Variants in HDAC7 observed in about 807,000 individuals in gnomAD.
HDAC7 encodes histone deacetylase 7.
HDAC7 carries 26 observed loss-of-function variants against 115.5 expected under a neutral mutation model. The ratio of observed to expected loss-of-function variants is 0.23; its 90% confidence interval spans 0.16 to 0.31. The LOEUF is 0.31. Among genes scored for constraint, HDAC7 ranks in the 10% least tolerant of loss-of-function variants. The pLI is 1.00. For missense variants in HDAC7, 1,068 were observed against 1,329.0 expected (o/e 0.80, Z 3.05); for synonymous variants, 564 against 550.9 (o/e 1.02, Z -0.33).
chr12:47,810,974 C>T (rs939995436), intron 1 of HDAC7, among the ~76,000 whole-genome samples: 2 of 152,122 alleles, frequency 1.3e-5, no homozygotes, highest in Non-Finnish European at 2.9e-5. Context: ...CACAGCCGCA[C>T]GGCTATCAGC....
chr12:47,785,996 G>T, intron 22 of HDAC7, 111 bp from the exon 23 acceptor site: 1 of 1,085,270 alleles, frequency 9.2e-7, no homozygotes, highest in Non-Finnish European at 1.3e-6. Flanking sequence ...TGACTCACAT[G>T]TATCAATCAC....
Position 47,796,231 on chromosome 12 carries a change from G to A in HDAC7, c.771C>T (p.Gly257=), listed in dbSNP as rs771559148. Residue 257 remains glycine, a synonymous_variant, in exon 8 of 26, where the codon GGC becomes GGT. Transcript: ENST00000080059. ...CCTCCGAGCCCAGGATGGGATTGGGGCCGTGCTCGCTGTCATTGGGGGAGC... is the reference window on the plus strand; with the variant it reads ...CCTCCGAGCCCAGGATGGGATTGGGACCGTGCTCGCTGTCATTGGGGGAGC... ...GCSSPNDSEH[G]PNPILGSEAL... is the part of the protein sequence containing the mutation. The A allele has an allele frequency of 2.3e-5, 37 of 1,607,188 alleles. No homozygotes were observed. Among genetic ancestry groups the A allele is most frequent in the Non-Finnish European group, 3.1e-5 (37 of 1,178,198 alleles).
At chr12:47,786,964 AAG>A (rs1399423622) in intron 21 of HDAC7, among the ~76,000 whole-genome samples, 13 of 152,200 alleles carry the variant, frequency 8.5e-5, no homozygotes, top group African/African-American at 2.9e-4. Context: ...GAGGGAATGA[AAG>A]AGGAGTGTGT....
intron 1 of HDAC7, among the ~76,000 whole-genome samples, chr12:47,807,616 C>CT (rs1944458642): frequency 6.6e-6 from 1 of 152,034 alleles, no homozygotes; most frequent in South Asian, 2.1e-4. Context: ...CATGCAGGAC[C>CT]TAGATGGGCA....
At chr12:47,802,558 A>C in intron 1 of HDAC7, 11 of 1,326,046 alleles carry the variant, frequency 8.3e-6, no homozygotes, top group South Asian at 1.3e-5. Context: ...GCCTCAGCTC[A>C]CCCAGCAGTG....
At chr12:47,807,788 AC>A (rs1248664797) in intron 1 of HDAC7, among the ~76,000 whole-genome samples, 1 of 152,206 alleles carries the variant, frequency 6.6e-6, no homozygotes, top group Non-Finnish European at 1.5e-5. Context: ...CTTTGTAGAA[AC>A]CAAGCAATGA....
chr12:47,791,653 C>T lies in HDAC7; in HGVS notation c.1866G>A (p.Glu622=). 7 of 1,613,548 alleles carry T rather than the reference C, an allele frequency of 4.3e-6. No homozygotes were observed. The highest frequency in any genetic ancestry group is 5.9e-6 in the Non-Finnish European group (7 of 1,179,912). The stretch of plus-strand genomic sequence containing the variant: ...TGGTGCCGTAGAGGAGCACGTGCCG[C>T]TCAGAGTGGACCGACTGCAGCTCTT... ...SLEELQSVHS[E]RHVLLYGTNP... is the part of the protein sequence containing the mutation. Residue 622 remains glutamate, a synonymous_variant, in exon 15 of 26, where the codon GAG becomes GAA. Transcript: ENST00000080059.
chr12:47,806,912 A>C (rs56077617), intron 1 of HDAC7, among the ~76,000 whole-genome samples: 18,875 of 150,236 alleles, frequency 0.13, 1,261 homozygotes, highest in Middle Eastern at 0.17. Context: ...TTTCTCCTGA[A>C]TGCATGCCCC....
At chr12:47,816,477 TA>T (rs1944852734) in intron 1 of HDAC7, among the ~76,000 whole-genome samples, 1 of 151,884 alleles carries the variant, frequency 6.6e-6, no homozygotes, top group South Asian at 2.1e-4. Context: ...AACCACCACA[TA>T]GATCACAAAT....
In HDAC7 at chr12:47,793,595, G is replaced by T. The variant is rs1339852706; in HGVS notation, c.1459-7C>A. On this transcript the variant is annotated splice_region_variant and splice_polypyrimidine_tract_variant and intron_variant, in intron 12 of 25. Coordinates refer to ENST00000080059, the MANE Select transcript of HDAC7 (RefSeq NM_015401.5). This position sits in a 1 kb window ranked among gnomAD's most constrained non-coding sequence, Gnocchi z 4.5. ...GCTGTTCCCAGAGCAACACCTAGGG[G>T]AAAGATGGGGCCTTGGTCTCCAGTG... 6.5e-7 allele frequency: 1 copy of T among 1,529,586 alleles called. No homozygotes were observed. Among genetic ancestry groups the T allele is most frequent in the Non-Finnish European group, 8.8e-7 (1 of 1,134,468 alleles). The allele number at this position is 1,529,586 out of a possible 1,614,324, so 94.8% of individuals were successfully genotyped here.
At chr12:47,809,136 G>A (rs1944537594) in intron 1 of HDAC7, among the ~76,000 whole-genome samples, 1 of 152,174 alleles carries the variant, frequency 6.6e-6, no homozygotes, top group South Asian at 2.1e-4. Flanking sequence ...TCAAGGGCCA[G>A]TGTTTGCCCC....
chr12:47,785,775 C>T lies in HDAC7; in HGVS notation c.2683G>A (p.Val895Met). Residue 895 changes from valine (V) to methionine (M), a missense_variant, in exon 23 of 26, where the codon GTG becomes ATG. Val to Met is a conservative substitution (Grantham distance 21). Around this residue, in one of 6 missense-constraint regions of HDAC7, gnomAD observed 98 missense variants for 123.9 expected, o/e 0.79. Coordinates refer to ENST00000080059, the MANE Select transcript of HDAC7 (RefSeq NM_015401.5). ...ACCCTGTTACCCAGAAGAGCAGCCA[C>T]ACAGGCCTCAGAGGCGTCACAGATG... ...TAICDASEACVAALLGNRVDP... is the reference protein window; with the variant it reads ...TAICDASEACMAALLGNRVDP... The T allele has an allele frequency of 1.2e-6, 2 of 1,608,476 alleles. No homozygotes were observed. The highest frequency in any genetic ancestry group is 1.7e-6 in the Non-Finnish European group (2 of 1,177,616).
upstream of HDAC7, chr12:47,820,371 GCACGCAGCCA>G (rs1205902563): frequency 6.5e-6 from 1 of 152,750 alleles, no homozygotes; most frequent in African/African-American, 2.4e-5. This position sits in a 1 kb window ranked among gnomAD's most constrained non-coding sequence, Gnocchi z 4.3. Flanking sequence ...CAGCCCACAA[GCACGCAGCCA>G]CACGCGGGCA....
intron 1 of HDAC7, among the ~76,000 whole-genome samples, chr12:47,815,605 C>T (rs1265817415): frequency 6.6e-6 from 1 of 152,120 alleles, no homozygotes; most frequent in African/African-American, 2.4e-5. Flanking sequence ...CTGGAATGGG[C>T]CTGATGATCT....
At chr12:47,794,652 A>C in intron 12 of HDAC7, 108 bp downstream of exon 12, 356 of 1,157,624 alleles carry the variant, frequency 3.1e-4, no homozygotes, top group Non-Finnish European at 3.8e-4. Context: ...CATGGGTCCT[A>C]GAGCTGCCTG....
At chr12:47,819,491 T>C (rs1421162728) in intron 1 of HDAC7, among the ~76,000 whole-genome samples, 3 of 151,904 alleles carry the variant, frequency 2.0e-5, no homozygotes, top group African/African-American at 4.8e-5. Flanking sequence ...CTTGGGCCTG[T>C]AGCTGCCCCG....
Position 47,798,620 on chromosome 12 carries a change from C to G in HDAC7, c.291G>C (p.Gln97His), listed in dbSNP as rs1477308344. The part of the protein sequence containing the change: ...LSMDTPMPEL[Q>H]VGPQEQELRQ... ...GCAGCTCTTGTTCCTGGGGTCCCAC[C>G]TGCAACTCGGGCATCGGCGTGTCCA... is the stretch of plus-strand genomic sequence containing the variant. Residue 97 changes from glutamine to histidine, a missense_variant, in exon 4 of 26, where the codon CAG (glutamine) becomes CAC (histidine). Transcript: ENST00000080059. The surrounding 1 kb of genome is among the most constrained non-coding windows in gnomAD (Gnocchi z 4.3). The G allele has an allele frequency of 4.3e-6, 7 of 1,613,880 alleles. No homozygotes were observed. Among genetic ancestry groups the G allele is most frequent in the Non-Finnish European group, 5.9e-6 (7 of 1,179,906 alleles).
chr12:47,789,858 G>A lies in HDAC7; in HGVS notation c.2046C>T (p.Gly682=). 1 of 1,613,908 alleles carries A rather than the reference G, an allele frequency of 6.2e-7. No homozygotes were observed. The highest frequency in any genetic ancestry group is 8.5e-7 in the Non-Finnish European group (1 of 1,180,016). The change falls in exon 17 of 26, where the codon GGC becomes GGT. Residue 682 remains glycine (G), a synonymous_variant. Coordinates refer to ENST00000080059, the MANE Select transcript of HDAC7 (RefSeq NM_015401.5). ...HSSNAARWAA[G]SVTDLAFKVA... ...CTTTGAAGGCGAGGTCAGTGACACT[G>A]CCAGCGGCCCAGCGGGCTGCATTGG...
rs1943667620 is a variant in HDAC7, at chr12:47,793,951, T to G, written c.1459-363A>C. Among the ~76,000 whole-genome samples, 1 of 152,262 alleles carries G rather than the reference T, an allele frequency of 6.6e-6. No individual in the cohort carries two copies. The highest frequency in any genetic ancestry group is 3.4e-3 in the Middle Eastern group (1 of 294). ...TGGCCTGTCATCATGTGTTATGGAG[T>G]AAATTATGTTCCCCACCCTCAAATT... On this transcript the variant is annotated intron_variant, in intron 12 of 25. Transcript: ENST00000080059. This position sits in a 1 kb window ranked among gnomAD's most constrained non-coding sequence, Gnocchi z 4.5.
Sources: gnomAD v4.1 joint callset for allele counts (sites outside exome capture counted in the v4.1 genomes callset) on GRCh38, gnomAD v4.1.1 for gene constraint, gnomAD v4.1.1 regional missense constraint, Gnocchi (gnomAD v3.1) non-coding constraint, MANE v1.5 for transcripts, NCBI Gene and HGNC (gene_info 2026-07-23, HGNC 2026-07-21) for gene names.